CADM2: variants seen among roughly 807,000 people sequenced by gnomAD.
The protein encoded by CADM2 is immunoglobulin superfamily member 4D.
In CADM2, 12 loss-of-function variants were observed where a neutral mutation model predicts 49.8. The ratio of observed to expected loss-of-function variants is 0.24; its 90% CI spans 0.15 to 0.39. The LOEUF (loss-of-function observed/expected upper bound fraction) is 0.39, where lower values mean the gene tolerates loss of function less well. Ranked by LOEUF, CADM2 falls within the 10% of genes least tolerant of loss-of-function variation. CADM2 has a pLI of 1.00. For missense variants in CADM2, 378 were observed against 492.3 expected (o/e 0.77, Z 2.20); for synonymous variants, 214 against 175.4 (o/e 1.22, Z -1.74).
At chr3:85,439,355 G>A (rs542464377) in intron 1 of CADM2, among the ~76,000 whole-genome samples, 6 of 151,862 alleles carry the variant, frequency 4.0e-5, no homozygotes, top group Admixed American at 2.6e-4. Flanking sequence ...GTTTCACCAT[G>A]TTGTCCAGGC....
intron 1 of CADM2, among the ~76,000 whole-genome samples, chr3:85,255,618 A>C (rs2042867679): frequency 1.3e-5 from 2 of 151,134 alleles, no homozygotes; most frequent in African/African-American, 4.9e-5. Flanking sequence ...TATGTGTAAA[A>C]CTCTTGGAAA....
intron 8 of CADM2, among the ~76,000 whole-genome samples, chr3:86,046,600 C>G (rs535437867): frequency 1.4e-3 from 212 of 152,100 alleles, no homozygotes; most frequent in Non-Finnish European, 9.4e-4. Flanking sequence ...CAGCACCGCA[C>G]AGTAAAAAAT....
intron 2 of CADM2, among the ~76,000 whole-genome samples, chr3:85,764,196 A>C (rs984307685): frequency 1.3e-5 from 2 of 152,148 alleles, no homozygotes; most frequent in Non-Finnish European, 2.9e-5. Context: ...TTTTATAAAT[A>C]TAAAACATTT....
At chr3:85,241,682 TATC>T (rs772073021) in intron 1 of CADM2, among the ~76,000 whole-genome samples, 12 of 151,610 alleles carry the variant, frequency 7.9e-5, no homozygotes, top group Non-Finnish European at 1.2e-4. Flanking sequence ...AGAAATAAGT[TATC>T]ATAAAATCTT....
intron 1 of CADM2, among the ~76,000 whole-genome samples, chr3:85,069,033 T>C (rs1344147484): frequency 6.6e-6 from 1 of 152,110 alleles, no homozygotes; most frequent in Non-Finnish European, 1.5e-5. Context: ...TCTATTTTTA[T>C]GTTGTGCCAA....
At chr3:85,643,508 G>A (rs1173645082) in intron 1 of CADM2, among the ~76,000 whole-genome samples, 7 of 152,096 alleles carry the variant, frequency 4.6e-5, no homozygotes, top group Non-Finnish European at 1.0e-4. Context: ...GAAGTAATTA[G>A]CAAATCAAAA....
intron 8 of CADM2, among the ~76,000 whole-genome samples, chr3:86,049,641 C>T (rs1283256872): frequency 6.6e-6 from 1 of 152,132 alleles, no homozygotes; most frequent in Non-Finnish European, 1.5e-5. Context: ...ATGCTGCCAT[C>T]TGCTCAGCTT....
intron 5 of CADM2, among the ~76,000 whole-genome samples, chr3:85,899,744 C>T (rs1017731814): frequency 7.2e-5 from 11 of 152,086 alleles, no homozygotes; most frequent in African/African-American, 2.7e-4. Context: ...TATCCAGTGC[C>T]CTCAATTGTA....
At chr3:85,248,287 T>A (rs576871550) in intron 1 of CADM2, among the ~76,000 whole-genome samples, 1 of 152,144 alleles carries the variant, frequency 6.6e-6, no homozygotes, top group African/African-American at 2.4e-5. Flanking sequence ...TTTTTTAACT[T>A]TTTTTGAGAC....
chr3:86,031,274 T>C (rs1734528281), intron 8 of CADM2, among the ~76,000 whole-genome samples: 1 of 151,836 alleles, frequency 6.6e-6, no homozygotes, highest in South Asian at 2.1e-4. Context: ...GGGTCATATC[T>C]TGATATCAGC....
chr3:85,805,985 A>C (rs1244850076), intron 3 of CADM2, among the ~76,000 whole-genome samples: 3 of 152,184 alleles, frequency 2.0e-5, no homozygotes, highest in African/African-American at 7.2e-5. Flanking sequence ...GGGATTTTCA[A>C]ACACAGTCTT....
At chr3:85,236,526 G>A (rs192509068) in intron 1 of CADM2, among the ~76,000 whole-genome samples, 1 of 152,142 alleles carries the variant, frequency 6.6e-6, no homozygotes, top group Non-Finnish European at 1.5e-5. Context: ...TGCAAAGGAT[G>A]TAATTAGATA....
intron 8 of CADM2, chr3:86,013,631 T>C: frequency 1.9e-6 from 3 of 1,600,780 alleles, no homozygotes; most frequent in Non-Finnish European, 2.6e-6. Context: ...CCATTATCAC[T>C]GACGATGTAG....
chr3:85,402,452 T>A (rs2035161105), intron 1 of CADM2, among the ~76,000 whole-genome samples: 2 of 152,020 alleles, frequency 1.3e-5, no homozygotes, highest in Non-Finnish European at 2.9e-5. Flanking sequence ...AATTTTTGTC[T>A]TAGTTTTTTT....
chr3:85,316,571 CA>C (rs1355689236), intron 1 of CADM2, among the ~76,000 whole-genome samples: 8 of 151,934 alleles, frequency 5.3e-5, no homozygotes, highest in African/African-American at 1.9e-4. Flanking sequence ...CAAATAGATT[CA>C]AAAAATATAT....
chr3:85,718,882 T>TTTATTA (rs71112111), intron 1 of CADM2, among the ~76,000 whole-genome samples: 10,798 of 141,228 alleles, frequency 0.076, 482 homozygotes, highest in East Asian at 0.14. Context: ...TTAATGGTAT[T>TTTATTA]TTATTATTAT....
Position 85,063,416 on chromosome 3 carries a change from A to T in CADM2, c.61+103748A>T, listed in dbSNP as rs570319176. On this transcript the variant is annotated intron_variant, in intron 1 of 9. Coordinates refer to ENST00000383699, the MANE Select transcript of CADM2 (RefSeq NM_001167675.2). ...AAGCCTTTAGTGTTATAATCAGCAA[A>T]AAAGAGCAGATTTTAGAAATAGAGC... 4.0e-4 allele frequency among the ~76,000 whole-genome samples: 61 copies of T among 152,144 alleles called. 1 individual carries two copies. The highest frequency in any genetic ancestry group is 6.0e-4 in the Non-Finnish European group (41 of 67,932).
At chr3:85,156,718 C>A (rs993657401) in intron 1 of CADM2, among the ~76,000 whole-genome samples, 2 of 152,054 alleles carry the variant, frequency 1.3e-5, no homozygotes, top group African/African-American at 4.8e-5. Context: ...TATGACAAAC[C>A]CACAGCCAAT....
intron 3 of CADM2, among the ~76,000 whole-genome samples, chr3:85,803,057 T>C (rs971042790): frequency 1.3e-5 from 2 of 152,132 alleles, no homozygotes; most frequent in African/African-American, 4.8e-5. Flanking sequence ...TCAGCTCCAT[T>C]TAAACAATTA....
Sources: allele counts gnomAD v4.1 joint callset (sites outside exome capture counted in the v4.1 genomes callset), GRCh38; gene constraint gnomAD v4.1.1; transcripts MANE v1.5; gene names NCBI Gene and HGNC (gene_info 2026-07-23, HGNC 2026-07-21).